The following SESN3 variants were observed in gnomAD, a reference collection of about 807,000 sequenced individuals.
The protein encoded by SESN3 is sestrin-3.
Under a neutral mutation model 55.3 loss-of-function variants are expected in SESN3, and 21 were observed. That is an observed-to-expected ratio of 0.38 (90% CI 0.27 to 0.55). The LOEUF (loss-of-function observed/expected upper bound fraction) is 0.55, where lower values mean the gene tolerates loss of function less well. SESN3 is among the 20% of genes least tolerant of loss of function. SESN3 has a pLI of 0.76. For synonymous variants in SESN3, 181 were observed against 203.1 expected (o/e 0.89, Z 0.93); for missense variants, 408 against 604.3 (o/e 0.68, Z 3.41).
At chr11:95,205,783 A>G (rs1860535759) in intron 1 of SESN3, among the ~76,000 whole-genome samples, 1 of 152,180 alleles carries the variant, frequency 6.6e-6, no homozygotes, top group Non-Finnish European at 1.5e-5. Context: ...TTTAATAACA[A>G]CTTTATACTA....
chr11:95,187,946 C>T (rs923382328), intron 4 of SESN3, among the ~76,000 whole-genome samples: 1 of 151,394 alleles, frequency 6.6e-6, no homozygotes, highest in African/African-American at 2.4e-5. Context: ...CTGCCAGTCA[C>T]CAAAGTCCTA....
intron 6 of SESN3, among the ~76,000 whole-genome samples, chr11:95,180,105 A>AAAAG (rs796848832): frequency 1.5e-4 from 23 of 152,306 alleles, no homozygotes; most frequent in African/African-American, 5.3e-4. Flanking sequence ...TTCTCAAAAT[A>AAAAG]AAAGAACAAA....
At chr11:95,203,556 C>G (rs80136724) in intron 1 of SESN3, among the ~76,000 whole-genome samples, 2 of 152,040 alleles carry the variant, frequency 1.3e-5, no homozygotes, top group Non-Finnish European at 2.9e-5. Flanking sequence ...TTCATTTTTA[C>G]CTGGAATAGA....
chr11:95,178,934 A>C, intron 6 of SESN3, 106 bp from the exon 7 acceptor site: 4 of 653,126 alleles, frequency 6.1e-6, no homozygotes, highest in Non-Finnish European at 1.1e-5. Flanking sequence ...ATGGATTTCT[A>C]AAGTGAAAAC....
At chr11:95,175,223 G>C (rs545435514) in intron 9 of SESN3, among the ~76,000 whole-genome samples, 1 of 152,120 alleles carries the variant, frequency 6.6e-6, no homozygotes, top group African/African-American at 2.4e-5. Flanking sequence ...AATTAGCCAG[G>C]CGTGGTGGCA....
chr11:95,185,583 A>G, intron 4 of SESN3, 91 bp from the exon 5 acceptor site: 1 of 803,094 alleles, frequency 1.2e-6, no homozygotes, highest in Non-Finnish European at 2.1e-6. Context: ...TCATATATCC[A>G]CTTAGAGTAA....
At chr11:95,224,647 A>T (rs1044626101) in intron 1 of SESN3, among the ~76,000 whole-genome samples, 1 of 152,236 alleles carries the variant, frequency 6.6e-6, no homozygotes, top group Non-Finnish European at 1.5e-5. Flanking sequence ...TCAAGGGGAC[A>T]GCCTTTAAGA....
intron 1 of SESN3, among the ~76,000 whole-genome samples, chr11:95,195,795 C>T (rs368488906): frequency 1.3e-5 from 2 of 152,268 alleles, no homozygotes; most frequent in East Asian, 3.9e-4. Flanking sequence ...CTTCAAACTT[C>T]TTGTTGCTTA....
At chr11:95,195,856 A>T (rs551633331) in intron 1 of SESN3, among the ~76,000 whole-genome samples, 1 of 152,238 alleles carries the variant, frequency 6.6e-6, no homozygotes, top group Non-Finnish European at 1.5e-5. Flanking sequence ...TCATCGGCTG[A>T]GAAAATGTCC....
At chr11:95,218,947 C>T (rs972033541) in intron 1 of SESN3, among the ~76,000 whole-genome samples, 2 of 152,154 alleles carry the variant, frequency 1.3e-5, no homozygotes, top group Non-Finnish European at 2.9e-5. Flanking sequence ...CCGCCGCACC[C>T]GGCCATATTT....
At chr11:95,217,233 C>T (rs1860776594) in intron 1 of SESN3, among the ~76,000 whole-genome samples, 1 of 152,092 alleles carries the variant, frequency 6.6e-6, no homozygotes, top group Non-Finnish European at 1.5e-5. Context: ...TAAGAAAGGT[C>T]ACCCATATCA....
At chr11:95,184,798 T>C (rs780752847) in intron 5 of SESN3, among the ~76,000 whole-genome samples, 1 of 152,042 alleles carries the variant, frequency 6.6e-6, no homozygotes, top group Non-Finnish European at 1.5e-5. Context: ...GTTATAAATA[T>C]AGAAGTTTAT....
At chr11:95,210,527 C>T (rs1860635116) in intron 1 of SESN3, among the ~76,000 whole-genome samples, 4 of 152,300 alleles carry the variant, frequency 2.6e-5, no homozygotes, top group Admixed American at 2.6e-4. Flanking sequence ...TCATAATACA[C>T]TGGTGAACTA....
chr11:95,231,336 A>T (rs370235682), upstream of SESN3: 25 of 387,268 alleles, frequency 6.5e-5, no homozygotes, highest in East Asian at 8.5e-4. Context: ...CCCGACTGGG[A>T]GTCGCGCCGG....
chr11:95,216,909 C>A (rs1433913497), intron 1 of SESN3, among the ~76,000 whole-genome samples: 1 of 151,632 alleles, frequency 6.6e-6, no homozygotes. Flanking sequence ...AGTTCGAGAC[C>A]AGCCTGACTA....
intron 1 of SESN3, among the ~76,000 whole-genome samples, chr11:95,223,714 T>C (rs1456735042): frequency 1.3e-5 from 2 of 152,218 alleles, no homozygotes; most frequent in Non-Finnish European, 2.9e-5. Flanking sequence ...GCTTTTTATT[T>C]TCCCCATAGA....
chr11:95,202,462 A>G (rs1051191664), intron 1 of SESN3, among the ~76,000 whole-genome samples: 6 of 152,004 alleles, frequency 3.9e-5, no homozygotes, highest in Non-Finnish European at 8.8e-5. Flanking sequence ...CTGGATGCCT[A>G]TTTGTTTATT....
chr11:95,222,846 TA>T (rs1860882206), intron 1 of SESN3, among the ~76,000 whole-genome samples: 1 of 152,214 alleles, frequency 6.6e-6, no homozygotes, highest in Admixed American at 6.5e-5. Context: ...AGGTTTAGGT[TA>T]TATAGGATAT....
intron 2 of SESN3, among the ~76,000 whole-genome samples, chr11:95,192,152 C>G (rs570236272): frequency 6.6e-6 from 1 of 151,956 alleles, no homozygotes; most frequent in African/African-American, 2.4e-5. Flanking sequence ...ATGAGGACAC[C>G]AGAATACTGT....
Sources: gnomAD v4.1 joint callset for allele counts (sites outside exome capture counted in the v4.1 genomes callset) on GRCh38, gnomAD v4.1.1 for gene constraint, MANE v1.5 for transcripts, NCBI Gene and HGNC (gene_info 2026-07-23, HGNC 2026-07-21) for gene names.